The following LSAMP variants were observed in gnomAD, a reference collection of about 807,000 sequenced individuals.
LSAMP encodes the protein limbic system associated membrane protein.
LSAMP carries 7 observed loss-of-function variants against 38.6 expected under a neutral mutation model. That is an observed-to-expected ratio of 0.18 (90% CI 0.10 to 0.34). The LOEUF (loss-of-function observed/expected upper bound fraction) is 0.34, where lower values mean the gene tolerates loss of function less well. Ranked by LOEUF, LSAMP falls within the 10% of genes least tolerant of loss-of-function variation. The probability of loss-of-function intolerance (pLI) is 1.00; values close to 1 mark genes in which losing one functional copy is unlikely to be tolerated. For missense variants in LSAMP, 313 were observed against 420.0 expected (o/e 0.75, Z 2.23); for synonymous variants, 154 against 166.8 (o/e 0.92, Z 0.59).
chr3:116,109,873 G>A (rs929374624), intron 1 of LSAMP, among the ~76,000 whole-genome samples: 2 of 151,884 alleles, frequency 1.3e-5, no homozygotes, highest in African/African-American at 4.8e-5. Flanking sequence ...CGGGAAGGGG[G>A]GTCGGGGCAT....
chr3:115,817,183 A>G (rs568349376), intron 6 of LSAMP, among the ~76,000 whole-genome samples: 5 of 152,342 alleles, frequency 3.3e-5, no homozygotes, highest in African/African-American at 1.2e-4. Context: ...TGCTGAAATG[A>G]CAACAACTCG....
intron 1 of LSAMP, among the ~76,000 whole-genome samples, chr3:116,431,629 A>T (rs2049282460): frequency 6.6e-6 from 1 of 152,106 alleles, no homozygotes; most frequent in African/African-American, 2.4e-5. Flanking sequence ...AATGCATATC[A>T]GTCTTACAGC....
chr3:116,189,932 C>T (rs1462448216), intron 1 of LSAMP, among the ~76,000 whole-genome samples: 1 of 152,152 alleles, frequency 6.6e-6, no homozygotes, highest in Non-Finnish European at 1.5e-5. Context: ...AAAAACCAGA[C>T]ACCTAGACTT....
intron 1 of LSAMP, among the ~76,000 whole-genome samples, chr3:116,371,737 A>C (rs2048431817): frequency 6.6e-6 from 1 of 152,110 alleles, no homozygotes; most frequent in South Asian, 2.1e-4. Context: ...AAATGGAAAA[A>C]GTACATTTAT....
At chr3:116,402,345 G>A (rs2048850764) in intron 1 of LSAMP, among the ~76,000 whole-genome samples, 1 of 152,090 alleles carries the variant, frequency 6.6e-6, no homozygotes. Context: ...CTGTTATCTT[G>A]TGAAACTGCT....
At chr3:116,090,395 C>G (rs1708094027) in intron 1 of LSAMP, among the ~76,000 whole-genome samples, 1 of 152,138 alleles carries the variant, frequency 6.6e-6, no homozygotes, top group Non-Finnish European at 1.5e-5. Context: ...CCAGCATTCA[C>G]TGAATCACCA....
chr3:116,062,373 G>A (rs375934595), intron 2 of LSAMP, among the ~76,000 whole-genome samples: 67 of 152,304 alleles, frequency 4.4e-4, no homozygotes, highest in African/African-American at 1.6e-3. Flanking sequence ...GCCGGGCGTG[G>A]TGGTGCACAA....
chr3:115,900,287 G>C (rs1399099168), intron 3 of LSAMP, among the ~76,000 whole-genome samples: 2 of 152,040 alleles, frequency 1.3e-5, no homozygotes, highest in Non-Finnish European at 2.9e-5. Context: ...GCCCAATGTG[G>C]GTGGATCACT....
At chr3:116,259,992 A>G (rs2107657145) in intron 1 of LSAMP, among the ~76,000 whole-genome samples, 1 of 151,988 alleles carries the variant, frequency 6.6e-6, no homozygotes, top group African/African-American at 2.4e-5. Context: ...TCTTTTTTCT[A>G]CAGTCTTTCT....
At chr3:116,052,150 G>A (rs568544126) in intron 2 of LSAMP, among the ~76,000 whole-genome samples, 1 of 152,290 alleles carries the variant, frequency 6.6e-6, no homozygotes, top group East Asian at 1.9e-4. Context: ...GCTTCACAAG[G>A]ATGCTGTGAC....
chr3:116,238,871 A>G (rs992711010), intron 1 of LSAMP, among the ~76,000 whole-genome samples: 1 of 151,998 alleles, frequency 6.6e-6, no homozygotes, highest in Non-Finnish European at 1.5e-5. Context: ...TTAAGTTGCA[A>G]TACTAAATCA....
chr3:116,428,393 G>A (rs560681415), intron 1 of LSAMP, among the ~76,000 whole-genome samples: 7 of 152,002 alleles, frequency 4.6e-5, no homozygotes, highest in East Asian at 3.9e-4. Flanking sequence ...GGGAGGGGGC[G>A]GTTGCAGTAA....
chr3:115,916,237 G>T (rs1340381436), intron 3 of LSAMP, among the ~76,000 whole-genome samples: 1 of 152,154 alleles, frequency 6.6e-6, no homozygotes, highest in African/African-American at 2.4e-5. Flanking sequence ...ATCAGCTGGG[G>T]TGTGAGCAGT....
intron 1 of LSAMP, among the ~76,000 whole-genome samples, chr3:116,292,021 C>A (rs2047273066): frequency 6.6e-6 from 1 of 152,160 alleles, no homozygotes; most frequent in African/African-American, 2.4e-5. Flanking sequence ...CAATCATCAA[C>A]ATAAAATGGT....
At chr3:116,253,494 AT>A (rs1332116500) in intron 1 of LSAMP, among the ~76,000 whole-genome samples, 1 of 152,176 alleles carries the variant, frequency 6.6e-6, no homozygotes, top group Non-Finnish European at 1.5e-5. Flanking sequence ...GTCTTTGCAG[AT>A]GGTAATTCAC....
intron 2 of LSAMP, among the ~76,000 whole-genome samples, chr3:116,020,078 A>T (rs1371218563): frequency 6.6e-6 from 1 of 152,234 alleles, no homozygotes; most frequent in Non-Finnish European, 1.5e-5. Flanking sequence ...ATTTAGCATA[A>T]GATTACATTA....
At chr3:115,898,818 CA>C (rs1381709138) in intron 3 of LSAMP, among the ~76,000 whole-genome samples, 2 of 151,888 alleles carry the variant, frequency 1.3e-5, no homozygotes, top group African/African-American at 4.8e-5. Context: ...CAGTGGTGAC[CA>C]CCCACTACAT....
At chr3:115,870,996 C>T (rs1210395049) in intron 3 of LSAMP, among the ~76,000 whole-genome samples, 1 of 152,080 alleles carries the variant, frequency 6.6e-6, no homozygotes, top group African/African-American at 2.4e-5. Context: ...CATGAAATCA[C>T]AGGCAAGCTC....
chr3:116,168,366 CAA>C (rs1438365330), intron 1 of LSAMP, among the ~76,000 whole-genome samples: 10 of 151,878 alleles, frequency 6.6e-5, no homozygotes, highest in South Asian at 2.1e-4. Context: ...ACATTTGAAA[CAA>C]GAGAGAAAAA....
Sources: allele counts gnomAD v4.1 joint callset (sites outside exome capture counted in the v4.1 genomes callset), GRCh38; gene constraint gnomAD v4.1.1; transcripts MANE v1.5; gene names NCBI Gene and HGNC (gene_info 2026-07-23, HGNC 2026-07-21).